SPTB: variants seen among roughly 807,000 people sequenced by gnomAD.
SPTB encodes spectrin beta chain, erythrocytic.
SPTB carries 45 observed loss-of-function variants against 256.2 expected under a neutral mutation model. That is an observed-to-expected ratio of 0.18 (90% CI 0.14 to 0.23). The LOEUF (loss-of-function observed/expected upper bound fraction) is 0.23, where lower values mean the gene tolerates loss of function less well. Ranked by LOEUF, SPTB falls within the 10% of genes least tolerant of loss-of-function variation. The pLI, the probability that SPTB is intolerant of heterozygous loss-of-function variation, is 1.00. For synonymous variants in SPTB, 1,231 were observed against 1,243.1 expected (o/e 0.99, Z 0.21); for missense variants, 2,715 against 3,040.4 (o/e 0.89, Z 2.52).
Position 64,797,732 on chromosome 14 carries a change from G to A in SPTB, c.1179C>T (p.Asn393=), listed in dbSNP as rs1312393234. Residue 393 remains asparagine, a synonymous_variant, in exon 10 of 36, where the codon AAC becomes AAT. Transcript: ENST00000644917. ...ATAACGGAAAATGCTGTGGTACCCT[G>A]TTGATGTCAGACACTAGTTTCCCAT... ...PHDGKLVSDI[N]RAWESLEEAE... is the part of the protein sequence containing the mutation. 2.5e-6 allele frequency: 4 copies of A among 1,608,000 alleles called. No homozygotes were observed. The highest frequency in any genetic ancestry group is 4.5e-5 in the East Asian group (2 of 44,846).
intron 1 of SPTB, among the ~76,000 whole-genome samples, chr14:64,874,760 G>A (rs1298866962): frequency 1.3e-5 from 2 of 152,110 alleles, no homozygotes; most frequent in African/African-American, 2.4e-5. Context: ...TGGTACAAAT[G>A]GAAAATATTT....
Position 64,790,616 on chromosome 14 carries a change from A to G in SPTB, c.2804+1103T>C, listed in dbSNP as rs2285007. Among the ~76,000 whole-genome samples the G allele has an allele frequency of 0.17, 26,115 of 152,144 alleles. 2,321 individuals carry two copies. Among genetic ancestry groups the G allele is most frequent in the African/African-American group, 0.23 (9,573 of 41,494 alleles). On this transcript the variant is annotated intron_variant, in intron 15 of 35. Coordinates refer to ENST00000644917, the MANE Select transcript of SPTB (RefSeq NM_001355436.2). The surrounding 1 kb of genome is among the most constrained non-coding windows in gnomAD (Gnocchi z 4.8). The stretch of plus-strand genomic sequence containing the variant: ...CATCGCTGCCTCCCCTTAGCCCCCC[A>G]GTGAACTCTCCACTGTGCCGATCCC...
At chr14:64,843,820 G>A (rs1173053091) in intron 1 of SPTB, among the ~76,000 whole-genome samples, 1 of 152,168 alleles carries the variant, frequency 6.6e-6, no homozygotes, top group Admixed American at 6.5e-5. Context: ...ATTAGCCCAT[G>A]TGCCTTGCCC....
chr14:64,842,315 G>T (rs2083619696), intron 1 of SPTB, among the ~76,000 whole-genome samples: 1 of 96,712 alleles, frequency 1.0e-5, no homozygotes, highest in Non-Finnish European at 3.0e-5. Context: ...GCTGGAGCCA[G>T]TTTCCAGAAA....
intron 1 of SPTB, among the ~76,000 whole-genome samples, chr14:64,865,262 G>C (rs773113747): frequency 6.6e-6 from 1 of 151,614 alleles, no homozygotes; most frequent in African/African-American, 2.4e-5. Context: ...AAAGAATTAC[G>C]ACTGCCAGGA....
intron 1 of SPTB, among the ~76,000 whole-genome samples, chr14:64,843,554 TG>T (rs760885055): frequency 5.4e-4 from 83 of 152,296 alleles, no homozygotes; most frequent in Non-Finnish European, 9.1e-4. Context: ...GCAGCTCCCT[TG>T]TTTCCATCAC....
At position 64,795,357 on chromosome 14, in the gene SPTB, C is replaced by T. The variant is rs140225792; in HGVS notation, c.1624G>A (p.Asp542Asn). 6 of 1,611,108 alleles carry T rather than the reference C, an allele frequency of 3.7e-6. No homozygotes were observed. Among genetic ancestry groups the T allele is most frequent in the Admixed American group, 1.7e-5 (1 of 60,022 alleles). Residue 542 changes from aspartate to asparagine, a missense_variant, in exon 12 of 36, where the codon GAC becomes AAC. Asp to Asn is a conservative substitution (Grantham distance 23). This residue lies in a region of SPTB where 2,239 missense variants were observed against 2,384.4 expected (regional missense o/e 0.94). Transcript: ENST00000644917. The surrounding 1 kb of genome is among the most constrained non-coding windows in gnomAD (Gnocchi z 6.5). ...CCCACCTTGATCTCATCCATCCAGT[C>T]GATGCTGTGCAGCATGTCCTGGAAG... The part of the protein sequence containing the change: ...KLFQDMLHSI[D>N]WMDEIKAHLL...
At chr14:64,755,677 C>T (rs1314918097) in intron 32 of SPTB, 2 of 152,170 alleles carry the variant, frequency 1.3e-5, no homozygotes, top group Non-Finnish European at 2.9e-5. Context: ...GAAAGTCTCA[C>T]ACCCCAGAGA....
Position 64,803,728 on chromosome 14 carries a change from T to C in SPTB, c.353A>G (p.Lys118Arg), listed in dbSNP as rs778131856. The C allele has an allele frequency of 6.2e-7, 1 of 1,614,110 alleles. No homozygotes were observed. Among genetic ancestry groups the C allele is most frequent in the East Asian group, 2.2e-5 (1 of 44,864 alleles). Residue 118 changes from lysine to arginine, a missense_variant, in exon 4 of 36, where the codon AAG becomes AGG. By Grantham distance (26) the Lys-to-Arg change is conservative (BLOSUM62 2). This residue lies in a region of SPTB where 416 missense variants were observed against 571.1 expected (regional missense o/e 0.73). Coordinates refer to ENST00000644917, the MANE Select transcript of SPTB (RefSeq NM_001355436.2). ...MRIHCLENVDKALQFLKEQRV... is the reference protein window; with the variant it reads ...MRIHCLENVDRALQFLKEQRV... ...CTGCTCCTTGAGGAACTGGAGAGCCTTGTCCACATTCTCCAGGCAGTGGAT... is the reference window on the plus strand; with the variant it reads ...CTGCTCCTTGAGGAACTGGAGAGCCCTGTCCACATTCTCCAGGCAGTGGAT...
chr14:64,823,077 C>T lies in SPTB; in HGVS notation c.18G>A (p.Glu6=). The stretch of plus-strand genomic sequence containing the variant: ...GTGGCTGGTTGCCCACATTTTCAAA[C>T]TCTGTGGCCGATGTCATGTCAGCAG... The part of the protein sequence containing the change: MTSAT[E]FENVGNQPPY... The change falls in exon 2 of 36, where the codon GAG becomes GAA. Residue 6 remains glutamate (E), a synonymous_variant. Coordinates refer to ENST00000644917, the MANE Select transcript of SPTB (RefSeq NM_001355436.2). This position sits in a 1 kb window ranked among gnomAD's most constrained non-coding sequence, Gnocchi z 6.5. 6.2e-7 allele frequency: 1 copy of T among 1,614,196 alleles called. No homozygotes were observed. Among genetic ancestry groups the T allele is most frequent in the Non-Finnish European group, 8.5e-7 (1 of 1,180,038 alleles).
rs369267409 is a variant in SPTB at position 64,801,920 on chromosome 14, G to A, written c.567-86C>T. 3.0e-6 allele frequency: 4 copies of A among 1,312,736 alleles called. No homozygotes were observed. The African/African-American group carries it at 5.8e-5, about 19-fold the overall frequency. The allele number at this position is 1,312,736 out of a possible 1,614,324, so 81.3% of individuals were successfully genotyped here. A position where few individuals can be genotyped will look rare whatever the true frequency, so the allele number is the denominator to read the frequency against. On this transcript the variant is annotated intron_variant, in intron 5 of 35. Coordinates refer to ENST00000644917, the MANE Select transcript of SPTB (RefSeq NM_001355436.2). ...TACAAATTGAGGGCCAATATACCAGGAGAGAAATGGAACTGTCCTTTCTTG... is the reference window on the plus strand; with the variant it reads ...TACAAATTGAGGGCCAATATACCAGAAGAGAAATGGAACTGTCCTTTCTTG...
Position 64,853,768 on chromosome 14 carries a change from G to A in SPTB, c.-52+26024C>T, listed in dbSNP as rs1204312795. Among the ~76,000 whole-genome samples the A allele has an allele frequency of 1.3e-5, 2 of 152,162 alleles. No homozygotes were observed. Among genetic ancestry groups the A allele is most frequent in the Non-Finnish European group, 2.9e-5 (2 of 68,028 alleles). On this transcript the variant is annotated intron_variant, in intron 1 of 35. Transcript: ENST00000644917. The surrounding 1 kb of genome is among the most constrained non-coding windows in gnomAD (Gnocchi z 4.3). ...AGGATTGAAGATGCAGATGTTCTGT[G>A]CAGCCCTGAAGTGTTTGGGAACATT...
In SPTB at chr14:64,800,788, C is replaced by T. The variant is rs151022993; in HGVS notation, c.844G>A (p.Val282Met). Residue 282 changes from valine to methionine, a missense_variant, in exon 8 of 36, where the codon GTG becomes ATG. Coordinates refer to ENST00000644917, the MANE Select transcript of SPTB (RefSeq NM_001355436.2). Reference sequence around the variant, plus strand: ...ACACGCTTGCCCTCCACTGCCAGCACCTTCATCTTGGAGAAGTAGTGGTAA... The same window carrying T: ...ACACGCTTGCCCTCCACTGCCAGCATCTTCATCTTGGAGAAGTAGTGGTAA... ...AFYHYFSKMK[V>M]LAVEGKRVGK... 3 of 1,614,136 alleles carry T rather than the reference C, an allele frequency of 1.9e-6. No homozygotes were observed. The highest frequency in any genetic ancestry group is 2.7e-5 in the African/African-American group (2 of 74,930).
Position 64,765,573 on chromosome 14 carries a change from A to G in SPTB, c.6345+1153T>C, listed in dbSNP as rs145545854. On this transcript the variant is annotated intron_variant, in intron 32 of 35. Coordinates refer to ENST00000644917, the MANE Select transcript of SPTB (RefSeq NM_001355436.2). ...ACAAGTTGGGGGGCTGACCTCTGTT[A>G]CTCAAAGCCCTGGGATTCTCCTCAA... Among the ~76,000 whole-genome samples the G allele has an allele frequency of 7.0e-3, 1,070 of 152,074 alleles. 15 individuals are homozygous for G. The highest frequency in any genetic ancestry group is 0.024 in the African/African-American group (1,001 of 41,466).
rs754504140 is a variant in SPTB, at chr14:64,750,016, G to A, written c.6741C>T (p.Ala2247=). 101 of 1,614,086 alleles carry A rather than the reference G, an allele frequency of 6.3e-5. 1 individual carries two copies. The highest frequency in any genetic ancestry group is 8.0e-5 in the Non-Finnish European group (94 of 1,180,044). ...ALRHAICEIA[A]NYKKKKHVFK... is the part of the protein sequence containing the mutation. ...AGACGTGCTTCTTCTTCTTGTAGTTGGCAGCAATCTCACAGATGGCATGTC... is the reference window on the plus strand; with the variant it reads ...AGACGTGCTTCTTCTTCTTGTAGTTAGCAGCAATCTCACAGATGGCATGTC... Residue 2247 remains alanine (A), a synonymous_variant, in exon 34 of 36, where the codon GCC becomes GCT. Transcript: ENST00000644917.
chr14:64,776,717 C>T (rs1455559026), intron 22 of SPTB, among the ~76,000 whole-genome samples: 3 of 152,246 alleles, frequency 2.0e-5, no homozygotes, highest in Non-Finnish European at 4.4e-5. Context: ...GCTGGGATTA[C>T]GGGTGTGAAC....
chr14:64,811,413 C>G (rs1339575917), intron 2 of SPTB, among the ~76,000 whole-genome samples: 2 of 152,138 alleles, frequency 1.3e-5, no homozygotes, highest in African/African-American at 4.8e-5. Context: ...TTTGTTTGAA[C>G]AAACTAATCA....
Position 64,760,991 on chromosome 14 carries a change from G to A in SPTB, c.6345+5735C>T, listed in dbSNP as rs992733524. ...TTCACAGTCTAAATGAGATGATCCTGGCTTATGCAAAACACATGGCTGATT... is the reference window on the plus strand; with the variant it reads ...TTCACAGTCTAAATGAGATGATCCTAGCTTATGCAAAACACATGGCTGATT... On this transcript the variant is annotated intron_variant, in intron 32 of 35. Transcript: ENST00000644917. This position sits in a 1 kb window ranked among gnomAD's most constrained non-coding sequence, Gnocchi z 4.3. 6.6e-6 allele frequency among the ~76,000 whole-genome samples: 1 copy of A among 152,198 alleles called. No homozygotes were observed. The highest frequency in any genetic ancestry group is 2.4e-5 in the African/African-American group (1 of 41,440).
Position 64,823,203 on chromosome 14 carries a change from C to A in SPTB, c.-51-58G>T, listed in dbSNP as rs184032693. 773 of 1,367,722 alleles carry A rather than the reference C, an allele frequency of 5.7e-4. 5 individuals are homozygous for A. The African/African-American group carries it at 9.9e-3, about 18-fold the overall frequency. 84.7% of individuals were successfully genotyped at this position (1,367,722 alleles called of 1,614,324 possible). A position where few individuals can be genotyped will look rare whatever the true frequency, so the allele number is the denominator to read the frequency against. On this transcript the variant is annotated intron_variant, in intron 1 of 35. Coordinates refer to ENST00000644917, the MANE Select transcript of SPTB (RefSeq NM_001355436.2). This position sits in a 1 kb window ranked among gnomAD's most constrained non-coding sequence, Gnocchi z 6.5. Reference sequence around the variant, plus strand: ...TCTCTACCCCCTCGGACTTTTTCTCCGGGGAAACTTATTCGGAGCATCCAA... The same window carrying A: ...TCTCTACCCCCTCGGACTTTTTCTCAGGGGAAACTTATTCGGAGCATCCAA...
Sources: gnomAD v4.1 joint callset for allele counts (sites outside exome capture counted in the v4.1 genomes callset) on GRCh38, gnomAD v4.1.1 for gene constraint, gnomAD v4.1.1 regional missense constraint, Gnocchi (gnomAD v3.1) non-coding constraint, MANE v1.5 for transcripts, NCBI Gene and HGNC (gene_info 2026-07-23, HGNC 2026-07-21) for gene names.